ADAMTSL1: variants seen among roughly 807,000 people sequenced by gnomAD.
ADAMTSL1 encodes ADAMTS like 1, also known as ADAMTS-like protein 1.
In ADAMTSL1, 126 loss-of-function variants were observed where a neutral mutation model predicts 201.8. That is an observed-to-expected ratio of 0.62 (90% CI 0.54 to 0.72). The LOEUF is 0.72. ADAMTSL1 is among the 30% of genes least tolerant of loss of function. The pLI, the probability that ADAMTSL1 is intolerant of heterozygous loss-of-function variation, is 0.00. For synonymous variants in ADAMTSL1, 1,121 were observed against 903.4 expected (o/e 1.24, Z -4.32); for missense variants, 2,679 against 2,277.8 (o/e 1.18, Z -3.59).
At chr9:18,217,788 T>A (rs1830107104) in intron 2 of ADAMTSL1, among the ~76,000 whole-genome samples, 2 of 152,144 alleles carry the variant, frequency 1.3e-5, no homozygotes, top group African/African-American at 4.8e-5. Context: ...GTCCTAGAAA[T>A]GCGGCTAATG....
At chr9:18,052,564 C>G (rs1210480250) in intron 1 of ADAMTSL1, among the ~76,000 whole-genome samples, 1 of 152,156 alleles carries the variant, frequency 6.6e-6, no homozygotes, top group East Asian at 1.9e-4. Flanking sequence ...CTCTGTGCCT[C>G]CCATCAGGCT....
chr9:18,460,004 A>G (rs536504009), intron 2 of ADAMTSL1, among the ~76,000 whole-genome samples: 9 of 152,206 alleles, frequency 5.9e-5, no homozygotes, highest in Non-Finnish European at 1.3e-4. Flanking sequence ...ATATTATCTG[A>G]GTCATGAATA....
chr9:18,282,271 C>G (rs748229463), intron 2 of ADAMTSL1, among the ~76,000 whole-genome samples: 8 of 152,058 alleles, frequency 5.3e-5, no homozygotes, highest in Non-Finnish European at 1.0e-4. Flanking sequence ...GGATAGTATT[C>G]CATGGTTTCT....
intron 2 of ADAMTSL1, among the ~76,000 whole-genome samples, chr9:18,464,997 A>G (rs921837074): frequency 6.6e-6 from 1 of 152,202 alleles, no homozygotes; most frequent in Non-Finnish European, 1.5e-5. Flanking sequence ...AATCAACAAC[A>G]TATTTCTTGT....
chr9:18,766,890 C>T (rs1254295007), intron 16 of ADAMTSL1, among the ~76,000 whole-genome samples: 1 of 152,122 alleles, frequency 6.6e-6, no homozygotes, highest in African/African-American at 2.4e-5. Flanking sequence ...GACATTCAGA[C>T]CAAAGCACCA....
chr9:18,188,288 G>A (rs879577139), intron 2 of ADAMTSL1, among the ~76,000 whole-genome samples: 13 of 152,066 alleles, frequency 8.5e-5, no homozygotes, highest in African/African-American at 1.2e-4. Context: ...CCTACACACC[G>A]GCAGTCTTTA....
intron 2 of ADAMTSL1, among the ~76,000 whole-genome samples, chr9:18,430,442 A>G (rs1322197109): frequency 6.6e-6 from 1 of 152,108 alleles, no homozygotes; most frequent in African/African-American, 2.4e-5. Context: ...AAACCTTCCT[A>G]TGGACTTGGA....
chr9:18,144,714 A>T (rs953641420), intron 1 of ADAMTSL1, among the ~76,000 whole-genome samples: 3 of 152,168 alleles, frequency 2.0e-5, no homozygotes, highest in Admixed American at 6.5e-5. Flanking sequence ...TTAAAACTTT[A>T]TGTTAAATGA....
At chr9:18,607,555 G>A (rs929266871) in intron 4 of ADAMTSL1, among the ~76,000 whole-genome samples, 2 of 147,798 alleles carry the variant, frequency 1.4e-5, no homozygotes, top group Non-Finnish European at 3.0e-5. Flanking sequence ...ATTCCATGCA[G>A]CATTTTCATA....
At chr9:18,486,936 C>T (rs1196045895) in intron 1 of ADAMTSL1, among the ~76,000 whole-genome samples, 5 of 152,196 alleles carry the variant, frequency 3.3e-5, no homozygotes, top group Admixed American at 2.0e-4. Context: ...GGGATGCCAG[C>T]AAATCTCTTT....
intron 2 of ADAMTSL1, among the ~76,000 whole-genome samples, chr9:18,410,149 C>G (rs75925777): frequency 0.093 from 14,163 of 151,726 alleles, 916 homozygotes; most frequent in Middle Eastern, 0.15. Context: ...TATTATTAAA[C>G]AACTCCTGGA....
At chr9:18,556,300 G>A (rs1251581011) in intron 3 of ADAMTSL1, among the ~76,000 whole-genome samples, 1 of 151,926 alleles carries the variant, frequency 6.6e-6, no homozygotes, top group Non-Finnish European at 1.5e-5. Context: ...ATAAAGGCAG[G>A]TACAATAATT....
At chr9:17,943,955 G>A (rs948262890) in intron 1 of ADAMTSL1, among the ~76,000 whole-genome samples, 8 of 151,830 alleles carry the variant, frequency 5.3e-5, no homozygotes, top group Admixed American at 3.3e-4. Context: ...GGAATAGGGA[G>A]AGAGGTGCCA....
chr9:18,645,753 T>A lies in ADAMTSL1; in HGVS notation c.834+6342T>A, dbSNP rs1408304831. On this transcript the variant is annotated intron_variant, in intron 7 of 28. Coordinates refer to ENST00000380548, the MANE Select transcript of ADAMTSL1 (RefSeq NM_001040272.6). ...GTTCTGTTCCATTGATCTATATCTC[T>A]GTTTTGGTACCAGTACCATGCTGTT... Among the ~76,000 whole-genome samples, 12 of 146,486 alleles carry A rather than the reference T, an allele frequency of 8.2e-5. No homozygotes were observed. The South Asian group carries it at 1.6e-3, about 19-fold the overall frequency.
intron 2 of ADAMTSL1, among the ~76,000 whole-genome samples, chr9:18,379,213 C>T (rs1286376052): frequency 6.6e-6 from 1 of 152,200 alleles, no homozygotes; most frequent in Non-Finnish European, 1.5e-5. Flanking sequence ...CAAATGGAGT[C>T]ACTCATGCTA....
chr9:18,093,221 A>G (rs1168688151), intron 1 of ADAMTSL1, among the ~76,000 whole-genome samples: 1 of 152,206 alleles, frequency 6.6e-6, no homozygotes, highest in East Asian at 1.9e-4. Context: ...TAGTAAAGAA[A>G]AAAAATCTGC....
chr9:18,284,880 C>T (rs1360715278), intron 2 of ADAMTSL1, among the ~76,000 whole-genome samples: 1 of 152,164 alleles, frequency 6.6e-6, no homozygotes, highest in Non-Finnish European at 1.5e-5. Context: ...TATCCGTTAT[C>T]ATATTAATGG....
chr9:18,177,786 C>G (rs534746015), intron 2 of ADAMTSL1, among the ~76,000 whole-genome samples: 136 of 152,330 alleles, frequency 8.9e-4, no homozygotes, highest in African/African-American at 1.4e-3. Flanking sequence ...GTTACATACC[C>G]ATGCCTAGGT....
intron 1 of ADAMTSL1, among the ~76,000 whole-genome samples, chr9:18,491,793 C>T (rs1822283788): frequency 1.3e-5 from 2 of 152,148 alleles, no homozygotes; most frequent in Non-Finnish European, 2.9e-5. Flanking sequence ...CTATATTTGT[C>T]TCTAATCACC....
Sources: gnomAD v4.1 joint callset for allele counts (sites outside exome capture counted in the v4.1 genomes callset) on GRCh38, gnomAD v4.1.1 for gene constraint, MANE v1.5 for transcripts, NCBI Gene and HGNC (gene_info 2026-07-23, HGNC 2026-07-21) for gene names.